The following CERK variants were observed in gnomAD, a reference collection of about 807,000 sequenced individuals.
The protein encoded by CERK is ceramide kinase.
CERK carries 39 observed loss-of-function variants against 63.4 expected under a neutral mutation model. The observed-to-expected ratio is 0.61, with a 90% CI of 0.48 to 0.80. The LOEUF (loss-of-function observed/expected upper bound fraction) is 0.80. CERK is among the 30% of genes least tolerant of loss of function. The pLI, the probability that CERK is intolerant of heterozygous loss-of-function variation, is 0.00. For missense variants in CERK, 670 were observed against 714.1 expected (o/e 0.94, Z 0.70); for synonymous variants, 302 against 280.0 (o/e 1.08, Z -0.78).
chr22:46,729,714 C>T (rs1380468247), intron 1 of CERK, among the ~76,000 whole-genome samples: 2 of 152,140 alleles, frequency 1.3e-5, no homozygotes, highest in Non-Finnish European at 1.5e-5. Context: ...CCTGAGATGA[C>T]CCAGATGTTG....
At chr22:46,719,422 A>G (rs1350152894) in intron 3 of CERK, among the ~76,000 whole-genome samples, 2 of 152,178 alleles carry the variant, frequency 1.3e-5, no homozygotes, top group Non-Finnish European at 2.9e-5. Context: ...CTGTAATCCC[A>G]GCACTCCAGG....
At chr22:46,735,415 TG>T (rs1160734386) in intron 1 of CERK, 1 of 152,306 alleles carries the variant, frequency 6.6e-6, no homozygotes, top group African/African-American at 2.4e-5. Flanking sequence ...AAAGTGCACG[TG>T]CCTGGGTTCA....
chr22:46,705,615 G>A (rs535419120), intron 6 of CERK, among the ~76,000 whole-genome samples: 1 of 152,288 alleles, frequency 6.6e-6, no homozygotes, highest in East Asian at 1.9e-4. Context: ...AGGTTGCAGT[G>A]AGCCAAGATC....
At position 46,687,218 on chromosome 22, in the gene CERK, A is replaced by G. The variant is rs1194970264; in HGVS notation, c.1542-12T>C. ...GCTGGCAGTGGACTCTGCAGAGACA[A>G]GCGGCCACGTGTAAACCCCACGTGT... On this transcript the variant is annotated splice_polypyrimidine_tract_variant and intron_variant, in intron 12 of 12. Coordinates refer to ENST00000216264, the MANE Select transcript of CERK (RefSeq NM_022766.6). 67 of 1,613,330 alleles carry G rather than the reference A, an allele frequency of 4.2e-5. No homozygotes were observed. Among genetic ancestry groups the G allele is most frequent in the Non-Finnish European group, 5.5e-5 (65 of 1,179,670 alleles).
rs1435145875 is a variant in CERK, at chr22:46,738,103, C to T, written c.46G>A (p.Val16Met). 3.1e-6 allele frequency: 4 copies of T among 1,281,144 alleles called. No individual in the cohort carries two copies. The highest frequency in any genetic ancestry group is 3.4e-5 in the Admixed American group (1 of 29,648). The allele number at this position is 1,281,144 out of a possible 1,614,324, so 79.4% of individuals were successfully genotyped here. The change falls in exon 1 of 13, where the codon GTG becomes ATG. Residue 16 changes from valine (V) to methionine (M), a missense_variant. Transcript: ENST00000216264. ...CTCACGGCGCAGCGCTGCTGCTTCA[C>T]CCACAGCACGGATTGCAGCGGCTCC... Reference protein sequence around the residue: ...AAEPLQSVLWVKQQRCAVSLE... With the variant: ...AAEPLQSVLWMKQQRCAVSLE...
intron 1 of CERK, among the ~76,000 whole-genome samples, chr22:46,726,115 G>A (rs1254565708): frequency 1.3e-5 from 2 of 152,260 alleles, no homozygotes; most frequent in African/African-American, 4.8e-5. Flanking sequence ...AGTGACATGG[G>A]TGCACGTGTG....
chr22:46,687,209 G>A lies in CERK; in HGVS notation c.1542-3C>T. The A allele has an allele frequency of 6.2e-7, 1 of 1,613,774 alleles. No individual in the cohort carries two copies. Among genetic ancestry groups the A allele is most frequent in the Non-Finnish European group, 8.5e-7 (1 of 1,179,836 alleles). On this transcript the variant is annotated splice_polypyrimidine_tract_variant and splice_region_variant and intron_variant, in intron 12 of 12. Transcript: ENST00000216264. ...GTCGAACCAGCTGGCAGTGGACTCT[G>A]CAGAGACAAGCGGCCACGTGTAAAC...
At position 46,685,143 on chromosome 22, in the gene CERK, C is replaced by G. The variant is rs949473341; in HGVS notation, c.*1991G>C. The stretch of plus-strand genomic sequence containing the variant: ...GTGCAGTGGCGCAATCTTGGCTCAC[C>G]GCAACCTCCACCTCTTTCTTGGGTT... On this transcript the variant is annotated 3_prime_UTR_variant, in exon 13 of 13. Coordinates refer to ENST00000216264, the MANE Select transcript of CERK (RefSeq NM_022766.6). 1 of 137,522 alleles carries G rather than the reference C, an allele frequency of 7.3e-6. No individual in the cohort carries two copies. The highest frequency in any genetic ancestry group is 2.7e-5 in the African/African-American group (1 of 37,380). The allele number at this position is 137,522 out of a possible 1,614,324, so 8.5% of individuals were successfully genotyped here.
At chr22:46,721,652 A>G (rs897265210) in intron 1 of CERK, among the ~76,000 whole-genome samples, 2 of 152,166 alleles carry the variant, frequency 1.3e-5, no homozygotes, top group African/African-American at 4.8e-5. Flanking sequence ...TGCTCGAGAC[A>G]TGGCCTCTGT....
At chr22:46,694,327 G>A (rs2082745692) in intron 9 of CERK, among the ~76,000 whole-genome samples, 1 of 152,070 alleles carries the variant, frequency 6.6e-6, no homozygotes, top group South Asian at 2.1e-4. Context: ...TTTATTTAAG[G>A]TTCTATTTAC....
rs778304093 is a variant in CERK at position 46,714,475 on chromosome 22, G to T, written c.380-2182C>A. Among the ~76,000 whole-genome samples, 2 of 152,092 alleles carry T rather than the reference G, an allele frequency of 1.3e-5. No homozygotes were observed. The highest frequency in any genetic ancestry group is 4.8e-5 in the African/African-American group (2 of 41,412). On this transcript the variant is annotated intron_variant, in intron 3 of 12. Transcript: ENST00000216264. The surrounding 1 kb of genome is among the most constrained non-coding windows in gnomAD (Gnocchi z 4.4). ...TACCAATATTACAAAGAAAATGAAA[G>T]AATTTACTAATAAGTTCATGCTAAT... is the stretch of plus-strand genomic sequence containing the variant.
intron 1 of CERK, among the ~76,000 whole-genome samples, chr22:46,731,874 G>A (rs376069327): frequency 2.0e-5 from 3 of 152,324 alleles, no homozygotes; most frequent in Non-Finnish European, 2.9e-5. Flanking sequence ...CTGTCAGGAC[G>A]GGCCAACGGC....
At chr22:46,721,091 G>T in intron 1 of CERK, 76 bp from the exon 2 acceptor site, 1 of 924,976 alleles carries the variant, frequency 1.1e-6, no homozygotes, top group Non-Finnish European at 1.8e-6. Flanking sequence ...ACTCCAAGAA[G>T]CTGAGAATAT....
intron 7 of CERK, among the ~76,000 whole-genome samples, chr22:46,700,308 G>A (rs1031900024): frequency 9.2e-5 from 14 of 152,022 alleles, no homozygotes; most frequent in Admixed American, 5.2e-4. Flanking sequence ...CAGGAGAATC[G>A]CTTGAACCCG....
At position 46,738,198 on chromosome 22, in the gene CERK, GGC is replaced by G; in HGVS notation, c.-52_-51del. ...GGCTGGGGGCGCGCGGACGCCGAGG[GGC>G]GCCGGACCGTTAGCGGCCCCTGCAG... is the stretch of plus-strand genomic sequence containing the variant. On this transcript the variant is annotated 5_prime_UTR_variant, in exon 1 of 13. Coordinates refer to ENST00000216264, the MANE Select transcript of CERK (RefSeq NM_022766.6). 9.2e-7 allele frequency: 1 copy of G among 1,084,022 alleles called. No individual in the cohort carries two copies. Among genetic ancestry groups the G allele is most frequent in the Non-Finnish European group, 1.1e-6 (1 of 894,838 alleles). 67.2% of individuals were successfully genotyped at this position (1,084,022 alleles called of 1,614,324 possible).
In CERK at chr22:46,720,951, A is replaced by T. The variant is rs1468821800; in HGVS notation, c.207T>A (p.His69Gln). The T allele has an allele frequency of 6.2e-7, 1 of 1,613,548 alleles. No individual in the cohort carries two copies. The highest frequency in any genetic ancestry group is 1.7e-5 in the Admixed American group (1 of 59,980). The change falls in exon 2 of 13, where the codon CAT becomes CAA. Residue 69 changes from histidine to glutamine, a missense_variant. Physicochemically the swap from His to Gln is conservative, Grantham distance 24 (BLOSUM62 0). Coordinates refer to ENST00000216264, the MANE Select transcript of CERK (RefSeq NM_022766.6). ...TTTTCTGCCATTTTCCACTGCCTTGATGTTTCCCGTGAACGTCTGTTTCCT... is the reference window on the plus strand; with the variant it reads ...TTTTCTGCCATTTTCCACTGCCTTGTTGTTTCCCGTGAACGTCTGTTTCCT... ...AVEETDVHGK[H>Q]QGSGKWQKME...
At chr22:46,720,031 A>C (rs2082884288) in intron 3 of CERK, 55 bp downstream of exon 3, 2 of 1,579,284 alleles carry the variant, frequency 1.3e-6, no homozygotes, top group Non-Finnish European at 8.6e-7. Flanking sequence ...TCACCCAATC[A>C]GGCATGCGCA....
At chr22:46,701,949 G>A (rs1221081392) in intron 6 of CERK, among the ~76,000 whole-genome samples, 1 of 152,156 alleles carries the variant, frequency 6.6e-6, no homozygotes, top group Non-Finnish European at 1.5e-5. Context: ...GAGAGGCCGA[G>A]GTGGGCGGAT....
chr22:46,702,221 ATATGTGTGTGTGTGTGTGTGTGTGTG>A (rs1396047094), intron 6 of CERK, among the ~76,000 whole-genome samples: 2 of 113,368 alleles, frequency 1.8e-5, no homozygotes, highest in South Asian at 2.9e-4. Flanking sequence ...AAAAATATAT[ATATGTGTGTGTGTGTGTGTGTGTGTG>A]TGTGTGTGTG....
Sources: allele counts gnomAD v4.1 joint callset (sites outside exome capture counted in the v4.1 genomes callset), GRCh38; gene constraint gnomAD v4.1.1; non-coding constraint Gnocchi (gnomAD v3.1); transcripts MANE v1.5; gene names NCBI Gene and HGNC (gene_info 2026-07-23, HGNC 2026-07-21).